The following PTPRD variants were observed in gnomAD, a reference collection of about 807,000 sequenced individuals.
The protein encoded by PTPRD is receptor-type tyrosine-protein phosphatase delta.
Under a neutral mutation model 214.5 loss-of-function variants are expected in PTPRD, and 34 were observed. That is an observed-to-expected ratio of 0.16 (90% CI 0.12 to 0.21). PTPRD has a LOEUF of 0.21. Among genes scored for constraint, PTPRD ranks in the 10% least tolerant of loss-of-function variants. The probability of loss-of-function intolerance (pLI) is 1.00; values close to 1 mark genes in which losing one functional copy is unlikely to be tolerated. For missense variants in PTPRD, 2,545 were observed against 2,398.7 expected, an observed-to-expected ratio of 1.06 and a Z score of -1.27; for synonymous variants, 1,128 against 845.7, an observed-to-expected ratio of 1.33 and a Z score of -5.79.
At chr9:9,727,667 A>C (rs757031763) in intron 7 of PTPRD, among the ~76,000 whole-genome samples, 1 of 152,240 alleles carries the variant, frequency 6.6e-6, no homozygotes, top group South Asian at 2.1e-4. Context: ...ATATAATGTA[A>C]TTTTTGCTTA....
intron 3 of PTPRD, among the ~76,000 whole-genome samples, chr9:10,109,537 C>G (rs1216801936): frequency 6.6e-6 from 1 of 152,072 alleles, no homozygotes; most frequent in Non-Finnish European, 1.5e-5. Context: ...AACCATAAAC[C>G]AGGGCAAATA....
At chr9:8,357,427 C>A (rs1315860006) in intron 39 of PTPRD, among the ~76,000 whole-genome samples, 1 of 152,140 alleles carries the variant, frequency 6.6e-6, no homozygotes, top group Non-Finnish European at 1.5e-5. Context: ...ATTTGGAGAC[C>A]CCAAGCTGCC....
chr9:10,474,356 C>CA (rs1284117178), intron 2 of PTPRD, among the ~76,000 whole-genome samples: 3 of 146,206 alleles, frequency 2.1e-5, no homozygotes, highest in Non-Finnish European at 4.5e-5. Flanking sequence ...TGAAAAAAAA[C>CA]AGACTTTAAA....
Position 9,740,253 on chromosome 9 carries a change from T to C in PTPRD, c.-325-5682A>G, listed in dbSNP as rs558331301. Among the ~76,000 whole-genome samples, 4 of 152,354 alleles carry C rather than the reference T, an allele frequency of 2.6e-5. No homozygotes were observed. In the South Asian group the frequency reaches 6.2e-4, roughly 24 times the overall value. On this transcript the variant is annotated intron_variant, in intron 6 of 45. Coordinates refer to ENST00000381196, the MANE Select transcript of PTPRD (RefSeq NM_002839.4). ...CTTTCCCTATAAGCTACATCATTTT[T>C]CCTTGTTATGCATATTAGCCATTAA...
At chr9:10,454,646 T>C (rs2098891314) in intron 2 of PTPRD, among the ~76,000 whole-genome samples, 1 of 151,782 alleles carries the variant, frequency 6.6e-6, no homozygotes, top group Non-Finnish European at 1.5e-5. Context: ...TGCATCAGAA[T>C]GTGTTCATCC....
intron 10 of PTPRD, among the ~76,000 whole-genome samples, chr9:9,110,209 T>C (rs2099804105): frequency 6.6e-6 from 1 of 152,136 alleles, no homozygotes; most frequent in Non-Finnish European, 1.5e-5. Flanking sequence ...TGGTTCTCTC[T>C]CCATTTCACT....
intron 3 of PTPRD, among the ~76,000 whole-genome samples, chr9:10,300,794 C>A (rs1357106568): frequency 1.3e-5 from 2 of 152,048 alleles, no homozygotes; most frequent in Non-Finnish European, 2.9e-5. Context: ...ACCCCCATCT[C>A]CCTGAGACCG....
intron 5 of PTPRD, among the ~76,000 whole-genome samples, chr9:9,899,719 A>C (rs1475941018): frequency 6.6e-6 from 1 of 152,130 alleles, no homozygotes; most frequent in South Asian, 2.1e-4. Context: ...AAGGAAAAAA[A>C]AATCAGTATG....
intron 37 of PTPRD, among the ~76,000 whole-genome samples, chr9:8,384,497 TC>T (rs2086272282): frequency 6.6e-6 from 1 of 152,154 alleles, no homozygotes; most frequent in Non-Finnish European, 1.5e-5. Context: ...ACTCATGCTT[TC>T]CCTTCAAAAT....
intron 3 of PTPRD, among the ~76,000 whole-genome samples, chr9:10,292,521 G>A (rs937875536): frequency 2.6e-5 from 4 of 151,978 alleles, no homozygotes; most frequent in Admixed American, 2.0e-4. Flanking sequence ...TCAGAGTGAA[G>A]AAGACACAAG....
chr9:9,075,466 G>C (rs569404912), intron 10 of PTPRD, among the ~76,000 whole-genome samples: 7 of 152,020 alleles, frequency 4.6e-5, no homozygotes, highest in African/African-American at 1.7e-4. Context: ...CAACGTGCAG[G>C]TTTGTTACAT....
At chr9:9,954,432 CT>C (rs1166995032) in intron 4 of PTPRD, among the ~76,000 whole-genome samples, 1 of 148,070 alleles carries the variant, frequency 6.8e-6, no homozygotes, top group Non-Finnish European at 1.5e-5. Context: ...AAAGCACTAA[CT>C]TTAAACATGT....
intron 12 of PTPRD, among the ~76,000 whole-genome samples, chr9:8,656,193 G>C (rs570546940): frequency 1.3e-5 from 2 of 152,294 alleles, no homozygotes; most frequent in African/African-American, 2.4e-5. Context: ...TCCTGAATCA[G>C]AATGGCACAG....
At chr9:10,393,563 G>A (rs1363828088) in intron 2 of PTPRD, among the ~76,000 whole-genome samples, 2 of 150,856 alleles carry the variant, frequency 1.3e-5, no homozygotes, top group East Asian at 2.0e-4. Flanking sequence ...AGCCAAGGAG[G>A]GAGGATTGCT....
At chr9:8,346,891 T>C (rs574208472) in intron 39 of PTPRD, among the ~76,000 whole-genome samples, 1 of 152,144 alleles carries the variant, frequency 6.6e-6, no homozygotes, top group African/African-American at 2.4e-5. Context: ...AAGAAATTCA[T>C]GATTGTTCTG....
intron 8 of PTPRD, among the ~76,000 whole-genome samples, chr9:9,413,766 C>T (rs1050920097): frequency 6.6e-6 from 1 of 152,132 alleles, no homozygotes; most frequent in African/African-American, 2.4e-5. Flanking sequence ...GGATATCTGT[C>T]TCTGAGGATT....
At chr9:8,359,762 C>CTG (rs2133828224) in intron 39 of PTPRD, among the ~76,000 whole-genome samples, 1 of 152,308 alleles carries the variant, frequency 6.6e-6, no homozygotes, top group East Asian at 1.9e-4. Context: ...AATAAAATCT[C>CTG]TGTATTTCAG....
At chr9:10,039,435 T>A (rs2097255526) in intron 3 of PTPRD, among the ~76,000 whole-genome samples, 1 of 152,170 alleles carries the variant, frequency 6.6e-6, no homozygotes, top group African/African-American at 2.4e-5. Context: ...GGTATATAAA[T>A]CTCTATTATC....
At chr9:10,600,487 C>G (rs1158915792) in intron 2 of PTPRD, among the ~76,000 whole-genome samples, 1 of 151,724 alleles carries the variant, frequency 6.6e-6, no homozygotes, top group Non-Finnish European at 1.5e-5. Flanking sequence ...GCAACAAAGA[C>G]CTGGAGCTCA....
Sources: allele counts gnomAD v4.1 joint callset (sites outside exome capture counted in the v4.1 genomes callset), GRCh38; gene constraint gnomAD v4.1.1; transcripts MANE v1.5; gene names NCBI Gene and HGNC (gene_info 2026-07-23, HGNC 2026-07-21).